KLHL13: variants seen among roughly 807,000 people sequenced by gnomAD.
The protein encoded by KLHL13 is kelch-like protein 13.
KLHL13 carries 10 observed loss-of-function variants against 37.1 expected under a neutral mutation model. The observed-to-expected ratio is 0.27, with a 90% CI of 0.17 to 0.46. The LOEUF (loss-of-function observed/expected upper bound fraction) is 0.46, where lower values mean the gene tolerates loss of function less well. Ranked by LOEUF, KLHL13 falls within the 20% of genes least tolerant of loss-of-function variation. KLHL13 has a pLI of 1.00. For missense variants in KLHL13, 360 were observed against 509.3 expected, an observed-to-expected ratio of 0.71 and a Z score of 2.82; for synonymous variants, 163 against 181.2, an observed-to-expected ratio of 0.90 and a Z score of 0.81.
chrX:118,109,535 T>C (rs914886142), intron 1 of KLHL13, among the ~76,000 whole-genome samples: 1 of 112,300 alleles, frequency 8.9e-6, no homozygotes, highest in Admixed American at 9.5e-5. Context: ...TTTAAAGATT[T>C]TTAAATAGCT....
chrX:118,062,961 G>A (rs1176237751), intron 1 of KLHL13, among the ~76,000 whole-genome samples: 1 of 111,194 alleles, frequency 9.0e-6, no homozygotes, highest in African/African-American at 3.3e-5. Context: ...TGGAAGCAAA[G>A]AATAAGTAAA....
At chrX:117,899,937 G>T (rs1047177958) in intron 6 of KLHL13, among the ~76,000 whole-genome samples, 5 of 112,585 alleles carry the variant, frequency 4.4e-5, no homozygotes, top group African/African-American at 1.6e-4. Context: ...TTGCACATGT[G>T]TAAAAGCTTA....
At chrX:117,944,442 G>A (rs1933215757) in intron 2 of KLHL13, among the ~76,000 whole-genome samples, 1 of 111,383 alleles carries the variant, frequency 9.0e-6, no homozygotes, top group Non-Finnish European at 1.9e-5. Flanking sequence ...CTAGTCAAGA[G>A]TCACATTTTG....
Position 117,904,085 on chromosome X carries a change from C to A in KLHL13, c.1367-2139G>T, listed in dbSNP as rs544935975. On this transcript the variant is annotated intron_variant, in intron 5 of 6. Transcript: ENST00000262820. ...ATAAGAATCCATTTGTACTTTCTCA[C>A]ACAGGAGGCCCTCAGTTCAAGATAG... 1.3e-3 allele frequency among the ~76,000 whole-genome samples: 143 copies of A among 110,761 alleles called. No individual in the cohort carries two copies. In the South Asian group the frequency reaches 0.054, roughly 42 times the overall value.
intron 1 of KLHL13, among the ~76,000 whole-genome samples, chrX:118,048,394 T>G (rs2054581078): frequency 9.0e-6 from 1 of 110,981 alleles, no homozygotes; most frequent in African/African-American, 3.3e-5. Context: ...ATACCAAATT[T>G]TGGACAGTAG....
chrX:118,061,238 G>GC (rs1203666660), intron 1 of KLHL13, among the ~76,000 whole-genome samples: 1 of 111,828 alleles, frequency 8.9e-6, no homozygotes, highest in Non-Finnish European at 1.9e-5. Context: ...TGAGTCCAAT[G>GC]CCCCTGAGGA....
At chrX:117,952,861 T>A (rs1429733513) in intron 1 of KLHL13, among the ~76,000 whole-genome samples, 1 of 107,488 alleles carries the variant, frequency 9.3e-6, no homozygotes, top group African/African-American at 3.4e-5. Flanking sequence ...TGAGATACCA[T>A]CTCACACCAG....
chrX:118,091,448 AAAG>A (rs1049230086), intron 1 of KLHL13, among the ~76,000 whole-genome samples: 8 of 111,512 alleles, frequency 7.2e-5, no homozygotes, highest in Non-Finnish European at 1.5e-4. Flanking sequence ...TAGAAGATAT[AAAG>A]AAGAACCAAA....
chrX:117,932,227 T>C (rs1377736309), intron 2 of KLHL13, among the ~76,000 whole-genome samples: 2 of 110,814 alleles, frequency 1.8e-5, no homozygotes, highest in Non-Finnish European at 3.8e-5. Flanking sequence ...TCTTGAAATA[T>C]ATATTACATT....
intron 1 of KLHL13, among the ~76,000 whole-genome samples, chrX:118,083,381 A>G (rs956376304): frequency 8.9e-6 from 1 of 112,075 alleles, no homozygotes; most frequent in African/African-American, 3.2e-5. Flanking sequence ...TACATACACA[A>G]TGGAACACTA....
intron 1 of KLHL13, among the ~76,000 whole-genome samples, chrX:118,007,993 G>C (rs1019081074): frequency 3.6e-5 from 4 of 111,906 alleles, no homozygotes; most frequent in Non-Finnish European, 7.5e-5. Flanking sequence ...CGAATGGAGG[G>C]AAGGGGTCAA....
At chrX:117,922,488 C>T (rs1054300079) in intron 2 of KLHL13, among the ~76,000 whole-genome samples, 4 of 111,869 alleles carry the variant, frequency 3.6e-5, no homozygotes, top group African/African-American at 1.3e-4. Context: ...TACTCAGAAG[C>T]TACCACTGGT....
exon 1 of KLHL13, chrX:117,972,783 G>A (rs1046356631): frequency 1.7e-6 from 2 of 1,210,077 alleles, no homozygotes; most frequent in African/African-American, 1.7e-5. Flanking sequence ...ACAGGAACTG[G>A]GAATTTCCAG....
At chrX:118,067,532 C>G (rs1362929307) in intron 1 of KLHL13, among the ~76,000 whole-genome samples, 5 of 111,768 alleles carry the variant, frequency 4.5e-5, no homozygotes, top group African/African-American at 1.6e-4. Flanking sequence ...CTTTTTGCCT[C>G]TTTTGTAATA....
chrX:117,982,728 G>T (rs1221165005), intron 1 of KLHL13, among the ~76,000 whole-genome samples: 1 of 112,096 alleles, frequency 8.9e-6, no homozygotes, highest in South Asian at 3.7e-4. Flanking sequence ...ATCACACCAG[G>T]TCTACTAAAC....
chrX:118,081,772 T>C (rs1440314301), intron 1 of KLHL13, among the ~76,000 whole-genome samples: 1 of 111,355 alleles, frequency 9.0e-6, no homozygotes, highest in Non-Finnish European at 1.9e-5. Flanking sequence ...CTAGTAACCA[T>C]CATTCTTCTC....
chrX:118,035,790 A>G (rs2148046015), intron 1 of KLHL13, among the ~76,000 whole-genome samples: 1 of 106,875 alleles, frequency 9.4e-6, no homozygotes, highest in East Asian at 2.8e-4. Flanking sequence ...TTAGGAAAAG[A>G]GGAAGTCAAA....
chrX:118,100,246 G>A (rs1332866860), intron 1 of KLHL13, among the ~76,000 whole-genome samples: 1 of 111,747 alleles, frequency 8.9e-6, no homozygotes, highest in Non-Finnish European at 1.9e-5. Flanking sequence ...GTTAATTTAT[G>A]CAGTCTCCGA....
rs776184955 is a variant in KLHL13, at chrX:117,909,292, T to C, written c.1366+9A>G. The C allele has an allele frequency of 8.7e-7, 1 of 1,148,015 alleles. No homozygotes were observed. The highest frequency in any genetic ancestry group is 1.2e-6 in the Non-Finnish European group (1 of 863,488). 94.6% of individuals were successfully genotyped at this position (1,148,015 alleles called of 1,213,427 possible). The stretch of plus-strand genomic sequence containing the variant: ...AATTTGTCTCTATGCTTAATATAAA[T>C]GCACTTACGCAGTTCACCTGCTGCA... On this transcript the variant is annotated intron_variant, in intron 5 of 6. Transcript: ENST00000262820.
Sources: gnomAD v4.1 joint callset for allele counts (sites outside exome capture counted in the v4.1 genomes callset) on GRCh38, gnomAD v4.1.1 for gene constraint, MANE v1.5 for transcripts, NCBI Gene and HGNC (gene_info 2026-07-23, HGNC 2026-07-21) for gene names.